Variants in SPATS2L observed in about 807,000 individuals in gnomAD.
SPATS2L encodes the protein SPATS2-like protein.
In SPATS2L, 30 loss-of-function variants were observed where a neutral mutation model predicts 59.6. That is an observed-to-expected ratio of 0.50 (90% CI 0.38 to 0.68). The LOEUF is 0.68. SPATS2L is among the 30% of genes least tolerant of loss of function. The pLI is 0.00. For synonymous variants in SPATS2L, 252 were observed against 263.5 expected, an observed-to-expected ratio of 0.96 and a Z score of 0.42; for missense variants, 615 against 700.0, an observed-to-expected ratio of 0.88 and a Z score of 1.37.
intron 2 of SPATS2L, among the ~76,000 whole-genome samples, chr2:200,377,028 A>G (rs2081623168): frequency 6.6e-6 from 1 of 152,248 alleles, no homozygotes; most frequent in African/African-American, 2.4e-5. Context: ...TGGGAAAGCT[A>G]CCACATGAGC....
chr2:200,322,540 C>T (rs1448780228), intron 1 of SPATS2L, among the ~76,000 whole-genome samples: 1 of 152,106 alleles, frequency 6.6e-6, no homozygotes, highest in Non-Finnish European at 1.5e-5. Flanking sequence ...TAGGATAAGC[C>T]CTCAAAGAAT....
At chr2:200,327,618 CACA>C (rs771115966) in intron 1 of SPATS2L, among the ~76,000 whole-genome samples, 2 of 152,192 alleles carry the variant, frequency 1.3e-5, no homozygotes, top group African/African-American at 2.4e-5. Context: ...GCTTTGTCAA[CACA>C]ACAATGTTTG....
chr2:200,373,270 C>CAAAAAAAAAAAAAAAAAAAAAA (rs3856514), intron 2 of SPATS2L: 1 of 106,038 alleles, frequency 9.4e-6, no homozygotes. Context: ...ACTGCCTTAA[C>CAAAAAAAAAAAAAAAAAAAAAA]AAAAAAAAAA....
intron 1 of SPATS2L, among the ~76,000 whole-genome samples, chr2:200,310,208 A>G (rs2079148786): frequency 6.6e-6 from 1 of 152,110 alleles, no homozygotes; most frequent in Non-Finnish European, 1.5e-5. Flanking sequence ...AACTTTTTGT[A>G]TTCTCTCTAA....
intron 8 of SPATS2L, among the ~76,000 whole-genome samples, chr2:200,454,215 G>A (rs965376413): frequency 2.0e-5 from 3 of 152,174 alleles, no homozygotes; most frequent in Non-Finnish European, 2.9e-5. Flanking sequence ...TACAGATTGA[G>A]TTCTTCACCT....
intron 12 of SPATS2L, among the ~76,000 whole-genome samples, chr2:200,473,843 C>T (rs1333196624): frequency 2.0e-5 from 3 of 151,840 alleles, no homozygotes; most frequent in South Asian, 2.1e-4. Flanking sequence ...CTACTAAAAA[C>T]ACAAAATTTA....
chr2:200,417,567 T>C (rs1032068130), intron 5 of SPATS2L, among the ~76,000 whole-genome samples: 3 of 152,202 alleles, frequency 2.0e-5, no homozygotes, highest in African/African-American at 7.2e-5. Context: ...AACTCATTAC[T>C]GAGTCTTCCT....
chr2:200,424,532 G>A (rs1203758565), intron 6 of SPATS2L, among the ~76,000 whole-genome samples: 1 of 152,086 alleles, frequency 6.6e-6, no homozygotes, highest in African/African-American at 2.4e-5. Flanking sequence ...TAAAAGTAGT[G>A]CCAAGGATAA....
At chr2:200,459,385 A>G (rs1231877924) in intron 8 of SPATS2L, among the ~76,000 whole-genome samples, 1 of 152,198 alleles carries the variant, frequency 6.6e-6, no homozygotes, top group Non-Finnish European at 1.5e-5. Context: ...GCACAGAGAC[A>G]CTGGGAACTA....
intron 9 of SPATS2L, among the ~76,000 whole-genome samples, chr2:200,464,640 T>A (rs1204920544): frequency 6.6e-6 from 1 of 152,070 alleles, no homozygotes; most frequent in African/African-American, 2.4e-5. Flanking sequence ...AGACTTTTTT[T>A]ATTATTATTA....
intron 7 of SPATS2L, 24 bp downstream of exon 7, chr2:200,439,352 A>G (rs1278050339): frequency 6.3e-7 from 1 of 1,580,838 alleles, no homozygotes; most frequent in Admixed American, 1.7e-5. Flanking sequence ...TTTTGCACAA[A>G]TGATTCAACA....
chr2:200,365,800 C>T (rs978990787), intron 2 of SPATS2L, among the ~76,000 whole-genome samples: 2 of 152,126 alleles, frequency 1.3e-5, no homozygotes, highest in Non-Finnish European at 1.5e-5. Context: ...CTTTGTGCTT[C>T]CCCTAGAATG....
intron 5 of SPATS2L, among the ~76,000 whole-genome samples, chr2:200,417,741 G>T (rs1369032746): frequency 6.6e-6 from 1 of 152,166 alleles, no homozygotes; most frequent in Non-Finnish European, 1.5e-5. Context: ...CATGATTGTG[G>T]TTCCAAAGGA....
intron 8 of SPATS2L, among the ~76,000 whole-genome samples, chr2:200,443,230 C>G (rs933372074): frequency 2.6e-5 from 4 of 152,094 alleles, no homozygotes; most frequent in African/African-American, 7.2e-5. Flanking sequence ...CTCTTGTTTT[C>G]TAAGAGGAAG....
At chr2:200,386,863 A>G (rs1372961662) in intron 2 of SPATS2L, among the ~76,000 whole-genome samples, 2 of 152,026 alleles carry the variant, frequency 1.3e-5, no homozygotes, top group Non-Finnish European at 2.9e-5. Context: ...TTCATATACT[A>G]TCACACACTG....
intron 8 of SPATS2L, among the ~76,000 whole-genome samples, chr2:200,445,928 A>G (rs2085007737): frequency 6.6e-6 from 1 of 152,188 alleles, no homozygotes; most frequent in Admixed American, 6.5e-5. Flanking sequence ...ATATATTAAT[A>G]TCTACTTCTT....
At chr2:200,352,228 A>G (rs2080757835) in intron 2 of SPATS2L, among the ~76,000 whole-genome samples, 2 of 151,482 alleles carry the variant, frequency 1.3e-5, no homozygotes, top group Non-Finnish European at 1.5e-5. Context: ...AAAAGGGCAT[A>G]TACTTAAAGA....
intron 2 of SPATS2L, among the ~76,000 whole-genome samples, chr2:200,370,032 A>T (rs2081380309): frequency 6.6e-6 from 1 of 152,228 alleles, no homozygotes; most frequent in Non-Finnish European, 1.5e-5. Context: ...CTAGGCCCTT[A>T]GTGCCTCGTC....
chr2:200,315,563 C>A (rs544656924), intron 1 of SPATS2L, among the ~76,000 whole-genome samples: 1 of 152,260 alleles, frequency 6.6e-6, no homozygotes, highest in African/African-American at 2.4e-5. Context: ...TACTGTCTGG[C>A]TGTAGGATCC....
Sources: gnomAD v4.1 joint callset for allele counts (sites outside exome capture counted in the v4.1 genomes callset) on GRCh38, gnomAD v4.1.1 for gene constraint, MANE v1.5 for transcripts, NCBI Gene and HGNC (gene_info 2026-07-23, HGNC 2026-07-21) for gene names.